ADGRG3: variants seen among roughly 807,000 people sequenced by gnomAD.
ADGRG3 encodes G protein-coupled receptor 97.
Under a neutral mutation model 54.3 loss-of-function variants are expected in ADGRG3, and 39 were observed. The ratio of observed to expected loss-of-function variants is 0.72; its 90% CI spans 0.56 to 0.94. The LOEUF is 0.94. Ranked by LOEUF, ADGRG3 falls within the 40% of genes least tolerant of loss-of-function variation. The probability of loss-of-function intolerance (pLI) is 0.00; values close to 1 mark genes in which losing one functional copy is unlikely to be tolerated. For missense variants in ADGRG3, 654 were observed against 694.6 expected (o/e 0.94, Z 0.66); for synonymous variants, 312 against 290.0 (o/e 1.08, Z -0.77).
chr16:57,687,215 G>T (rs2896940), intron 11 of ADGRG3, among the ~76,000 whole-genome samples: 81,120 of 151,732 alleles, frequency 0.53, 23,240 homozygotes, highest in African/African-American at 0.76. Flanking sequence ...CTCATTCATC[G>T]CGAAATTGGG....
intron 8 of ADGRG3, among the ~76,000 whole-genome samples, chr16:57,681,863 A>G (rs1008181572): frequency 6.6e-6 from 1 of 152,192 alleles, no homozygotes; most frequent in Admixed American, 6.5e-5. Flanking sequence ...CAGAGGTCAC[A>G]TGCTCATGAA....
intron 2 of ADGRG3, among the ~76,000 whole-genome samples, chr16:57,674,077 A>G (rs765742212): frequency 3.3e-5 from 5 of 152,262 alleles, no homozygotes; most frequent in Middle Eastern, 3.4e-3. Context: ...GGGCAATGAC[A>G]TATTTTAAGC....
At chr16:57,675,405 G>A (rs147849486) in intron 2 of ADGRG3, among the ~76,000 whole-genome samples, 4,011 of 152,192 alleles carry the variant, frequency 0.026, 143 homozygotes, top group African/African-American at 0.089. Context: ...CAAGCGGATC[G>A]CTTGAGGTCA....
At chr16:57,683,504 T>A (rs368713572) in intron 8 of ADGRG3, among the ~76,000 whole-genome samples, 1 of 152,244 alleles carries the variant, frequency 6.6e-6, no homozygotes. Flanking sequence ...CCCTTTTTTA[T>A]GTCACTTTTG....
chr16:57,676,543 T>C lies in ADGRG3; in HGVS notation c.345+205T>C, dbSNP rs142750764. Among the ~76,000 whole-genome samples the C allele has an allele frequency of 9.2e-3, 1,395 of 152,326 alleles. 9 individuals are homozygous for C. Among genetic ancestry groups the C allele is most frequent in the Non-Finnish European group, 0.016 (1,091 of 68,020 alleles). On this transcript the variant is annotated intron_variant, in intron 3 of 11. Transcript: ENST00000333493. ...CGTGAGCTCCTCTACTGAGGGAACA[T>C]ATTTGAAATGAGGTAAAGGGTTCGA...
intron 11 of ADGRG3, 183 bp downstream of exon 11, chr16:57,686,109 C>T (rs1597783032): frequency 1.6e-6 from 1 of 628,362 alleles, no homozygotes; most frequent in East Asian, 2.7e-5. Context: ...CTGTATTAGT[C>T]CGTTTGTGTT....
intron 2 of ADGRG3, chr16:57,674,725 A>T (rs112473689): frequency 0.017 from 5,616 of 321,694 alleles, 287 homozygotes; most frequent in African/African-American, 0.11. Flanking sequence ...GGCTCACACA[A>T]GTAATCCTAG....
chr16:57,668,053 C>T (rs768387578), upstream of ADGRG3: 120 of 531,544 alleles, frequency 2.3e-4, no homozygotes, highest in Admixed American at 1.1e-3. Flanking sequence ...GCCACCCAGC[C>T]CCTAGCCCCG....
At chr16:57,683,868 G>GGTGCCTCATGGGA in intron 8 of ADGRG3, 64 bp from the exon 9 acceptor site, 1 of 1,391,968 alleles carries the variant, frequency 7.2e-7, no homozygotes, top group Non-Finnish European at 9.7e-7. Context: ...GACAGGCTTG[G>GGTGCCTCATGGGA]GTGCCTCATG....
At chr16:57,666,550 G>A (rs543467630), upstream of ADGRG3, among the ~76,000 whole-genome samples, 684 of 152,312 alleles carry the variant, frequency 4.5e-3, 5 homozygotes, top group Non-Finnish European at 7.5e-3. Flanking sequence ...GCTGGGTCTC[G>A]CTGGAGGACT....
chr16:57,670,908 G>A (rs976111560), intron 1 of ADGRG3, among the ~76,000 whole-genome samples: 7 of 152,110 alleles, frequency 4.6e-5, no homozygotes, highest in African/African-American at 1.7e-4. Flanking sequence ...ACCAGGGAGG[G>A]AAATAAAAAA....
intron 8 of ADGRG3, 21 bp downstream of exon 8, chr16:57,680,638 C>A: frequency 6.7e-7 from 1 of 1,495,582 alleles, no homozygotes; most frequent in Non-Finnish European, 9.3e-7. Flanking sequence ...CCCACCTCCC[C>A]ACCATGTCTC....
intron 1 of ADGRG3, among the ~76,000 whole-genome samples, chr16:57,669,603 T>C (rs1386558835): frequency 1.3e-5 from 2 of 152,052 alleles, no homozygotes; most frequent in East Asian, 1.9e-4. Flanking sequence ...AGCCATTTGA[T>C]TGAGCAAGGA....
chr16:57,687,686 G>A (rs2048499642), intron 11 of ADGRG3, among the ~76,000 whole-genome samples: 1 of 152,246 alleles, frequency 6.6e-6, no homozygotes, highest in African/African-American at 2.4e-5. Flanking sequence ...GGAGAATCAT[G>A]AGTCCATGCC....
chr16:57,687,688 G>A (rs2048499706), intron 11 of ADGRG3, among the ~76,000 whole-genome samples: 1 of 152,228 alleles, frequency 6.6e-6, no homozygotes, highest in African/African-American at 2.4e-5. Context: ...AGAATCATGA[G>A]TCCATGCCTG....
intron 10 of ADGRG3, 113 bp downstream of exon 10, chr16:57,684,596 C>T (rs2048439346): frequency 1.4e-5 from 10 of 704,908 alleles, no homozygotes; most frequent in Middle Eastern, 2.4e-4. Context: ...CCAAATATGT[C>T]AAGACCAGAA....
rs34536208 is a variant in ADGRG3, at chr16:57,674,995, C to CAAAAAA, written c.207-1192_207-1187dup. 1.2e-4 allele frequency among the ~76,000 whole-genome samples: 6 copies of CAAAAAA among 48,928 alleles called. 1 individual carries two copies. The highest frequency in any genetic ancestry group is 6.0e-4 in the East Asian group (1 of 1,664). 32.1% of individuals were successfully genotyped at this position (48,928 alleles called of 152,430 possible). A position where few individuals can be genotyped will look rare whatever the true frequency, so the allele number is the denominator to read the frequency against. On this transcript the variant is annotated intron_variant, in intron 2 of 11. Transcript: ENST00000333493. ...TGGGCGACAGAGTGAGACTCCATCT[C>CAAAAAA]AAAAAAAAAAAAAAAAAAGCAGCAG...
Position 57,680,576 on chromosome 16 carries a change from G to A in ADGRG3, c.840G>A (p.Met280Ile). The A allele has an allele frequency of 1.2e-6, 2 of 1,613,884 alleles. No individual in the cohort carries two copies. Among genetic ancestry groups the A allele is most frequent in the Non-Finnish European group, 1.7e-6 (2 of 1,179,874 alleles). Residue 280 changes from methionine (M) to isoleucine (I), a missense_variant, in exon 8 of 12, where the codon ATG becomes ATA. Met to Ile is a conservative substitution (Grantham distance 10). Coordinates refer to ENST00000333493, the MANE Select transcript of ADGRG3 (RefSeq NM_170776.5). The part of the protein sequence containing the change: ...RISQAGCGVS[M>I]IFLAFTIILY... ...CCCAGGCGGGCTGTGGGGTCTCCAT[G>A]ATCTTCCTGGCCTTCACCATTATTC...
At chr16:57,679,403 A>G (rs2048323079) in intron 5 of ADGRG3, 92 bp downstream of exon 5, 3 of 1,359,170 alleles carry the variant, frequency 2.2e-6, no homozygotes, top group South Asian at 2.4e-5. Context: ...GACACTACAT[A>G]TCTGTCCCCT....
Sources: allele counts gnomAD v4.1 joint callset (sites outside exome capture counted in the v4.1 genomes callset), GRCh38; gene constraint gnomAD v4.1.1; transcripts MANE v1.5; gene names NCBI Gene and HGNC (gene_info 2026-07-23, HGNC 2026-07-21).